GLRA2: variants seen among roughly 807,000 people sequenced by gnomAD.
GLRA2 encodes glycine receptor alpha 2, also known as glycine receptor subunit alpha-2.
In GLRA2, 11 loss-of-function variants were observed where a neutral mutation model predicts 31.6. The ratio of observed to expected loss-of-function variants is 0.35; its 90% confidence interval spans 0.22 to 0.58. The LOEUF is 0.58. Among genes scored for constraint, GLRA2 ranks in the 20% least tolerant of loss-of-function variants. The pLI is 0.84. For synonymous variants in GLRA2, 132 were observed against 134.0 expected (o/e 0.99, Z 0.10); for missense variants, 212 against 351.8 (o/e 0.60, Z 3.18).
chrX:14,539,284 G>A (rs2089368468), intron 2 of GLRA2, among the ~76,000 whole-genome samples: 1 of 111,056 alleles, frequency 9.0e-6, no homozygotes, highest in African/African-American at 3.3e-5. Context: ...TATGTTTGAC[G>A]AAGCCTCAAT....
intron 8 of GLRA2, among the ~76,000 whole-genome samples, chrX:14,700,536 A>T (rs2091524284): frequency 8.9e-6 from 1 of 111,873 alleles, no homozygotes; most frequent in African/African-American, 3.3e-5. Context: ...AATTCATAGT[A>T]TCTAAAGATG....
intron 2 of GLRA2, among the ~76,000 whole-genome samples, chrX:14,574,014 G>T (rs1483315742): frequency 1.8e-5 from 2 of 110,771 alleles, no homozygotes; most frequent in Non-Finnish European, 3.8e-5. Context: ...CAATGTTGAT[G>T]ATCCTAAGGT....
At chrX:14,637,117 T>A (rs1229510196) in intron 7 of GLRA2, among the ~76,000 whole-genome samples, 2 of 112,434 alleles carry the variant, frequency 1.8e-5, no homozygotes, top group Admixed American at 9.4e-5. Context: ...CAATTCCACA[T>A]TCTCAGAGGA....
At chrX:14,475,151 A>T in the GLRA2 span, among the ~76,000 whole-genome samples, 2 of 112,213 alleles carry the variant, frequency 1.8e-5, no homozygotes, top group Non-Finnish European at 3.8e-5. Flanking sequence ...GCCAGCAGAG[A>T]CTGATTGCAC....
intron 7 of GLRA2, among the ~76,000 whole-genome samples, chrX:14,689,907 CT>C (rs2091326001): frequency 8.9e-6 from 1 of 112,182 alleles, no homozygotes. Flanking sequence ...TCAGAATCTA[CT>C]TTGTCAAATT....
chrX:14,702,040 G>A (rs901248524), intron 8 of GLRA2, among the ~76,000 whole-genome samples: 9 of 111,949 alleles, frequency 8.0e-5, no homozygotes, highest in African/African-American at 2.9e-4. Context: ...CCTTTGTCTG[G>A]GTCTTGACAC....
At chrX:14,491,972 T>G in the GLRA2 span, among the ~76,000 whole-genome samples, 233 of 111,520 alleles carry the variant, frequency 2.1e-3, 3 homozygotes, top group East Asian at 4.5e-3. Flanking sequence ...CTTGTTTCCT[T>G]AGCTTGGGAA....
the GLRA2 span, among the ~76,000 whole-genome samples, chrX:14,463,538 A>G: frequency 9.0e-6 from 1 of 111,012 alleles, no homozygotes; most frequent in Non-Finnish European, 1.9e-5. Flanking sequence ...CTTTGTTTAC[A>G]CTGTGAGCAT....
intron 7 of GLRA2, among the ~76,000 whole-genome samples, chrX:14,680,903 T>G (rs1157924357): frequency 8.9e-6 from 1 of 112,094 alleles, no homozygotes; most frequent in Admixed American, 9.5e-5. Flanking sequence ...GGAGGAATGA[T>G]GGTCAGCTCT....
intron 7 of GLRA2, among the ~76,000 whole-genome samples, chrX:14,629,073 A>G (rs1053354608): frequency 9.0e-6 from 1 of 111,461 alleles, no homozygotes; most frequent in Non-Finnish European, 1.9e-5. Flanking sequence ...GGACATAGCA[A>G]TTGATTATAT....
the GLRA2 span, among the ~76,000 whole-genome samples, chrX:14,459,498 C>A: frequency 9.1e-6 from 1 of 110,320 alleles, no homozygotes; most frequent in African/African-American, 3.3e-5. Flanking sequence ...ATTCTTCCTA[C>A]CCATGAGCAT....
chrX:14,529,665 TAGAAAAAGGGCTTTGCTAAAC>T lies in GLRA2; in HGVS notation c.-386_-366del, dbSNP rs781008306. On this transcript the variant is annotated 5_prime_UTR_variant, in exon 1 of 9. Coordinates refer to ENST00000218075, the MANE Select transcript of GLRA2 (RefSeq NM_002063.4). ...CTTCTTTTTAAAAGAAAACATTTTCTAGAAAAAGGGCTTTGCTAAACAGAAAAGATATAAAACAAAAGCCAC... is the reference window on the plus strand; with the variant it reads ...CTTCTTTTTAAAAGAAAACATTTTCTAGAAAAGATATAAAACAAAAGCCAC... 3.6e-4 allele frequency: 56 copies of T among 153,555 alleles called. No homozygotes were observed. In the East Asian group the frequency reaches 9.1e-3, roughly 25 times the overall value. The allele number at this position is 153,555 out of a possible 1,213,427, so 12.7% of individuals were successfully genotyped here.
At chrX:14,658,550 C>T (rs2090961764) in intron 7 of GLRA2, among the ~76,000 whole-genome samples, 1 of 111,669 alleles carries the variant, frequency 9.0e-6, no homozygotes. Flanking sequence ...AAAACTCATT[C>T]CAGGTTTGAT....
At chrX:14,517,555 G>A in the GLRA2 span, among the ~76,000 whole-genome samples, 1 of 111,668 alleles carries the variant, frequency 9.0e-6, no homozygotes, top group African/African-American at 3.3e-5. Context: ...GATCTTGTGA[G>A]AACTCACTAT....
intron 4 of GLRA2, among the ~76,000 whole-genome samples, chrX:14,589,345 G>A (rs957927634): frequency 2.7e-5 from 3 of 109,624 alleles, no homozygotes; most frequent in African/African-American, 1.0e-4. Context: ...ATATGGTTTT[G>A]CTTGAACCTT....
chrX:14,487,387 TAAAA>T, the GLRA2 span, among the ~76,000 whole-genome samples: 219 of 27,918 alleles, frequency 7.8e-3, 1 homozygote, highest in African/African-American at 0.025. Context: ...TGGTTTTCTG[TAAAA>T]AAAAAAAAAA....
the GLRA2 span, among the ~76,000 whole-genome samples, chrX:14,522,485 A>C: frequency 8.9e-6 from 1 of 112,092 alleles, no homozygotes; most frequent in Admixed American, 9.5e-5. Flanking sequence ...ATGAATCACA[A>C]ATGTTCTTAA....
At chrX:14,621,448 T>C (rs1454809860) in intron 7 of GLRA2, among the ~76,000 whole-genome samples, 1 of 111,436 alleles carries the variant, frequency 9.0e-6, no homozygotes, top group Non-Finnish European at 1.9e-5. Context: ...TGTGCCATGT[T>C]GGTGTGCTGC....
intron 8 of GLRA2, among the ~76,000 whole-genome samples, chrX:14,716,164 A>G (rs2091781973): frequency 9.0e-6 from 1 of 111,120 alleles, no homozygotes; most frequent in Non-Finnish European, 1.9e-5. Context: ...GGGAAGAAAA[A>G]TCTTAAATAT....
Sources: allele counts gnomAD v4.1 joint callset (sites outside exome capture counted in the v4.1 genomes callset), GRCh38; gene constraint gnomAD v4.1.1; transcripts MANE v1.5; gene names NCBI Gene and HGNC (gene_info 2026-07-23, HGNC 2026-07-21).